Variants in TLN2 observed in about 807,000 individuals in gnomAD.
The protein encoded by TLN2 is talin-2.
TLN2 carries 118 observed loss-of-function variants against 294.7 expected under a neutral mutation model. The observed-to-expected ratio is 0.40, with a 90% CI of 0.34 to 0.47. The LOEUF is 0.47. TLN2 is among the 20% of genes least tolerant of loss of function. TLN2 has a pLI of 0.84. For missense variants in TLN2, 3,083 were observed against 3,282.2 expected (o/e 0.94, Z 1.48); for synonymous variants, 1,431 against 1,304.5 (o/e 1.10, Z -2.09).
chr15:62,835,153 A>C (rs941040202), intron 55 of TLN2: 14 of 153,368 alleles, frequency 9.1e-5, no homozygotes, highest in African/African-American at 3.1e-4. Flanking sequence ...GTGGACAGAA[A>C]ATGTTCTACT....
At chr15:62,621,960 A>G (rs923759454) in intron 3 of TLN2, among the ~76,000 whole-genome samples, 4 of 152,106 alleles carry the variant, frequency 2.6e-5, no homozygotes, top group African/African-American at 9.7e-5. Flanking sequence ...GCTAGTGTAG[A>G]TGTCAGTTGT....
rs1412650912 is a variant in TLN2 at position 62,582,247 on chromosome 15, C to CACACAT, written c.-237-7439_-237-7438insCACATA. Among the ~76,000 whole-genome samples, 215 of 103,186 alleles carry CACACAT rather than the reference C, an allele frequency of 2.1e-3. 1 individual carries two copies. Among genetic ancestry groups the CACACAT allele is most frequent in the South Asian group, 3.9e-3 (10 of 2,550 alleles). The allele number at this position is 103,186 out of a possible 152,430, so 67.7% of individuals were successfully genotyped here. ...ACACACACACACACACACACACACA[C>CACACAT]ATTCATGCCTGACCCATTCCTGACC... On this transcript the variant is annotated intron_variant, in intron 1 of 58. Transcript: ENST00000636159.
chr15:62,482,889 G>A (rs753019337), intron 1 of TLN2, among the ~76,000 whole-genome samples: 7 of 152,122 alleles, frequency 4.6e-5, no homozygotes, highest in Non-Finnish European at 1.0e-4. Context: ...CTCCCTGAGG[G>A]CTTCTCTTTC....
chr15:62,814,362 G>C (rs922167848), intron 52 of TLN2, among the ~76,000 whole-genome samples: 3 of 152,104 alleles, frequency 2.0e-5, no homozygotes. Flanking sequence ...AGAAATATAA[G>C]CTAAGCACAT....
chr15:62,706,193 T>C (rs1167916034), intron 19 of TLN2, among the ~76,000 whole-genome samples: 1 of 141,870 alleles, frequency 7.0e-6, no homozygotes, highest in Non-Finnish European at 1.5e-5. Flanking sequence ...GGCTCATATG[T>C]TTGGGAAGGC....
At chr15:62,721,988 A>T (rs1380504651) in intron 25 of TLN2, among the ~76,000 whole-genome samples, 2 of 152,184 alleles carry the variant, frequency 1.3e-5, no homozygotes, top group African/African-American at 4.8e-5. Context: ...TTTTCTAAGC[A>T]GTCTTTTGAG....
chr15:62,593,365 C>T (rs755596488), intron 2 of TLN2, among the ~76,000 whole-genome samples: 1 of 152,228 alleles, frequency 6.6e-6, no homozygotes, highest in Non-Finnish European at 1.5e-5. Context: ...GCTCCTCACT[C>T]TGCTGTTTGT....
chr15:62,645,467 G>T (rs908121831), intron 3 of TLN2, among the ~76,000 whole-genome samples: 9 of 152,254 alleles, frequency 5.9e-5, no homozygotes, highest in Non-Finnish European at 1.5e-5. Context: ...TGACATTGCA[G>T]TTGGACGGCC....
At chr15:62,633,777 C>G (rs1173533315) in intron 3 of TLN2, among the ~76,000 whole-genome samples, 2 of 152,118 alleles carry the variant, frequency 1.3e-5, no homozygotes, top group East Asian at 3.9e-4. Context: ...GGGGCTGTCC[C>G]CTAACAAAAT....
At chr15:62,692,271 A>T (rs1034930532) in intron 12 of TLN2, among the ~76,000 whole-genome samples, 2 of 152,206 alleles carry the variant, frequency 1.3e-5, no homozygotes, top group African/African-American at 4.8e-5. Context: ...TCTTTAAGCC[A>T]CTGGCTAGAG....
chr15:62,717,146 C>A (rs897485026), intron 23 of TLN2, among the ~76,000 whole-genome samples: 7 of 152,136 alleles, frequency 4.6e-5, no homozygotes, highest in Non-Finnish European at 8.8e-5. Context: ...GTTGGAAAGT[C>A]TCTGCATTTT....
chr15:62,572,608 G>A (rs1333205489), intron 1 of TLN2, among the ~76,000 whole-genome samples: 2 of 152,182 alleles, frequency 1.3e-5, no homozygotes, highest in Non-Finnish European at 2.9e-5. Flanking sequence ...TCTGGCACCA[G>A]CCTGAGTTCT....
chr15:62,502,544 T>C (rs1336804245), intron 1 of TLN2, among the ~76,000 whole-genome samples: 1 of 152,150 alleles, frequency 6.6e-6, no homozygotes. Flanking sequence ...GGCCTGGTGA[T>C]ACGAGGGGTC....
intron 1 of TLN2, among the ~76,000 whole-genome samples, chr15:62,589,234 G>A (rs1176648433): frequency 6.6e-6 from 1 of 152,138 alleles, no homozygotes; most frequent in East Asian, 1.9e-4. Flanking sequence ...AGCCACATGG[G>A]AACAGCAAAA....
chr15:62,661,576 T>C (rs183128563), intron 9 of TLN2, among the ~76,000 whole-genome samples: 5 of 152,152 alleles, frequency 3.3e-5, no homozygotes, highest in Non-Finnish European at 2.9e-5. Flanking sequence ...GAATAAGATA[T>C]GGTAAACACT....
chr15:62,731,623 C>T (rs1489864048), intron 28 of TLN2, among the ~76,000 whole-genome samples: 2 of 152,238 alleles, frequency 1.3e-5, no homozygotes, highest in East Asian at 1.9e-4. Context: ...TGCTTTTTCT[C>T]TTCCTAGCCC....
rs577557372 is a variant in TLN2, at chr15:62,843,885, C to T, written c.*3275C>T. 1.1e-4 allele frequency: 16 copies of T among 152,262 alleles called. No individual in the cohort carries two copies. The highest frequency in any genetic ancestry group is 3.9e-4 in the African/African-American group (16 of 41,540). 9.4% of individuals were successfully genotyped at this position (152,262 alleles called of 1,614,324 possible). On this transcript the variant is annotated 3_prime_UTR_variant, in exon 59 of 59. Transcript: ENST00000636159. The stretch of plus-strand genomic sequence containing the variant: ...CTTGGTTTCCTCCCTGGCAGATAGT[C>T]CCCAGAATCTTCTCTCCCAGCTTTG...
intron 28 of TLN2, among the ~76,000 whole-genome samples, chr15:62,728,189 A>G (rs1393897910): frequency 6.6e-6 from 1 of 152,014 alleles, no homozygotes; most frequent in Non-Finnish European, 1.5e-5. Context: ...AACAGCATAG[A>G]TTAATTTTGC....
At chr15:62,458,834 T>A (rs410732) in intron 1 of TLN2, among the ~76,000 whole-genome samples, 2 of 151,916 alleles carry the variant, frequency 1.3e-5, no homozygotes, top group South Asian at 4.2e-4. Context: ...TGCATGTCCC[T>A]GCTTACTTAA....
Sources: allele counts gnomAD v4.1 joint callset (sites outside exome capture counted in the v4.1 genomes callset), GRCh38; gene constraint gnomAD v4.1.1; transcripts MANE v1.5; gene names NCBI Gene and HGNC (gene_info 2026-07-23, HGNC 2026-07-21).